Variants in NRP2 observed in about 807,000 individuals in gnomAD.
NRP2 encodes the protein neuropilin-2.
NRP2 carries 52 observed loss-of-function variants against 110.4 expected under a neutral mutation model. The ratio of observed to expected loss-of-function variants is 0.47; its 90% confidence interval spans 0.38 to 0.59. The LOEUF (loss-of-function observed/expected upper bound fraction) is 0.59, where lower values mean the gene tolerates loss of function less well. NRP2 is among the 20% of genes least tolerant of loss of function. The pLI is 0.00. For synonymous variants in NRP2, 508 were observed against 468.9 expected (o/e 1.08, Z -1.08); for missense variants, 1,049 against 1,203.0 (o/e 0.87, Z 1.89).
intron 13 of NRP2, chr2:205,764,196 G>A: frequency 1.9e-6 from 1 of 519,982 alleles, no homozygotes; most frequent in Non-Finnish European, 3.4e-6. Flanking sequence ...TTTTATTTTA[G>A]ATTGCTATCA....
intron 2 of NRP2, among the ~76,000 whole-genome samples, chr2:205,698,294 T>C (rs1319280801): frequency 1.3e-5 from 2 of 152,060 alleles, no homozygotes; most frequent in Non-Finnish European, 2.9e-5. Flanking sequence ...AAGTAGAGTC[T>C]CAAAGTCAGT....
At chr2:205,740,008 T>C (rs2057412045) in intron 7 of NRP2, 1 of 250,550 alleles carries the variant, frequency 4.0e-6, no homozygotes, top group Admixed American at 5.2e-5. Context: ...GTGCCCCTCA[T>C]CATCTTGTCC....
rs920548926 is a variant in NRP2 at position 205,795,120 on chromosome 2, A to C, written c.*62A>C. 16 of 1,476,362 alleles carry C rather than the reference A, an allele frequency of 1.1e-5. No individual in the cohort carries two copies. Among genetic ancestry groups the C allele is most frequent in the African/African-American group, 8.4e-5 (6 of 71,620 alleles). The allele number at this position is 1,476,362 out of a possible 1,614,324, so 91.5% of individuals were successfully genotyped here. Reference sequence around the variant, plus strand: ...AGCAAGAGGGGCTGGGGAAGATTACATTTTTTTTTCCTTTGGAAACTGAAT... The same window carrying C: ...AGCAAGAGGGGCTGGGGAAGATTACCTTTTTTTTTCCTTTGGAAACTGAAT... On this transcript the variant is annotated 3_prime_UTR_variant, in exon 17 of 17. Coordinates refer to ENST00000357785, the MANE Select transcript of NRP2 (RefSeq NM_003872.3).
chr2:205,779,498 AGCAG>A lies in NRP2; in HGVS notation c.2425+12699_2425+12702del, dbSNP rs1262122656. On this transcript the variant is annotated intron_variant, in intron 15 of 16. Transcript: ENST00000357785. ...AAGACCCTGTCTTTAAAATGAAACT[AGCAG>A]GCAAACACCTAAATAATCGAAAATT... 2.0e-5 allele frequency: 3 copies of A among 152,358 alleles called. No homozygotes were observed. In the East Asian group the frequency reaches 5.8e-4, roughly 29 times the overall value. The allele number at this position is 152,358 out of a possible 1,614,324, so 9.4% of individuals were successfully genotyped here.
At position 205,789,752 on chromosome 2, in the gene NRP2, T is replaced by A. The variant is rs189509707; in HGVS notation, c.2426-2483T>A. The stretch of plus-strand genomic sequence containing the variant: ...CTTTGCTAGAACTACAGGGACCTAA[T>A]GAGAGAACCACATTCCTTCCTGCTG... On this transcript the variant is annotated intron_variant, in intron 15 of 16. Transcript: ENST00000357785. Among the ~76,000 whole-genome samples, 486 of 152,242 alleles carry A rather than the reference T, an allele frequency of 3.2e-3. 3 individuals carry two copies. Among genetic ancestry groups the A allele is most frequent in the African/African-American group, 0.011 (465 of 41,554 alleles).
chr2:205,713,056 A>G (rs1312155724), intron 2 of NRP2, among the ~76,000 whole-genome samples: 1 of 152,192 alleles, frequency 6.6e-6, no homozygotes, highest in African/African-American at 2.4e-5. Flanking sequence ...CATTACAAGA[A>G]GGGATTTGGG....
chr2:205,765,921 T>C (rs1221455072), intron 14 of NRP2, among the ~76,000 whole-genome samples: 1 of 152,092 alleles, frequency 6.6e-6, no homozygotes, highest in African/African-American at 2.4e-5. Context: ...GCTGGAAAGG[T>C]TTGATGGATT....
chr2:205,780,106 A>C (rs777230261), intron 15 of NRP2, among the ~76,000 whole-genome samples: 3 of 152,246 alleles, frequency 2.0e-5, no homozygotes, highest in Non-Finnish European at 4.4e-5. Context: ...CTGCAGAGAC[A>C]GATCACTTCC....
intron 9 of NRP2, among the ~76,000 whole-genome samples, chr2:205,744,762 C>A (rs556222667): frequency 6.6e-6 from 1 of 152,144 alleles, no homozygotes; most frequent in African/African-American, 2.4e-5. Flanking sequence ...GGAGGTTTTG[C>A]GATGCTGAGG....
chr2:205,780,436 G>A (rs2058161125), intron 15 of NRP2, among the ~76,000 whole-genome samples: 1 of 152,076 alleles, frequency 6.6e-6, no homozygotes, highest in South Asian at 2.1e-4. Context: ...TCTTTAGATG[G>A]TGACCCAGTT....
At chr2:205,704,051 G>A (rs1186178000) in intron 2 of NRP2, among the ~76,000 whole-genome samples, 1 of 152,058 alleles carries the variant, frequency 6.6e-6, no homozygotes, top group African/African-American at 2.4e-5. Context: ...TCCATTGTAG[G>A]GTCTCTGCAG....
At chr2:205,685,205 G>C (rs999291154) in intron 1 of NRP2, among the ~76,000 whole-genome samples, 1 of 152,182 alleles carries the variant, frequency 6.6e-6, no homozygotes, top group African/African-American at 2.4e-5. Flanking sequence ...GCAGTGCTGC[G>C]TCACTTCCAG....
chr2:205,769,774 T>C (rs1393970288), intron 15 of NRP2, among the ~76,000 whole-genome samples: 1 of 152,214 alleles, frequency 6.6e-6, no homozygotes, highest in Non-Finnish European at 1.5e-5. Context: ...GGTGCCGTCA[T>C]GTATCTTTTT....
chr2:205,735,440 G>A (rs2057325357), intron 7 of NRP2, among the ~76,000 whole-genome samples: 1 of 148,398 alleles, frequency 6.7e-6, no homozygotes, highest in Non-Finnish European at 1.5e-5. Flanking sequence ...CTGGCTGGAT[G>A]CTTCTTATTA....
At chr2:205,720,274 T>C (rs1247826869) in intron 3 of NRP2, among the ~76,000 whole-genome samples, 4 of 151,138 alleles carry the variant, frequency 2.6e-5, no homozygotes, top group African/African-American at 7.3e-5. Context: ...TTTTTTTTTT[T>C]TTTTTTTTTG....
Position 205,716,377 on chromosome 2 carries a change from C to T in NRP2, c.433+3C>T. 1 of 1,613,666 alleles carries T rather than the reference C, an allele frequency of 6.2e-7. No homozygotes were observed. The highest frequency in any genetic ancestry group is 8.5e-7 in the Non-Finnish European group (1 of 1,180,010). On this transcript the variant is annotated splice_donor_region_variant and intron_variant, in intron 3 of 16. Coordinates refer to ENST00000357785, the MANE Select transcript of NRP2 (RefSeq NM_003872.3). ...GCGCTACGAGATCTTCAAGACAGGT[C>T]AGTGTGGTCACACGTAGGGGCCGGG...
In NRP2 at chr2:205,745,901, A is replaced by T. The variant is rs367693063; in HGVS notation, c.1786+11A>T. 1 of 1,613,750 alleles carries T rather than the reference A, an allele frequency of 6.2e-7. No homozygotes were observed. Among genetic ancestry groups the T allele is most frequent in the East Asian group, 2.2e-5 (1 of 44,874 alleles). On this transcript the variant is annotated intron_variant, in intron 10 of 16. Transcript: ENST00000357785. ...GCTGTGACTGGACAGGTAAGATGACATTTCCTCCTCTTTGCATCTCACCCA... is the reference window on the plus strand; with the variant it reads ...GCTGTGACTGGACAGGTAAGATGACTTTTCCTCCTCTTTGCATCTCACCCA...
At chr2:205,696,720 A>G (rs552318556) in intron 1 of NRP2, among the ~76,000 whole-genome samples, 66 of 152,322 alleles carry the variant, frequency 4.3e-4, no homozygotes, top group African/African-American at 1.5e-3. Context: ...GGCTGGACAA[A>G]GCAGCAGCAC....
chr2:205,796,216 T>C lies in NRP2; in HGVS notation c.*1158T>C, dbSNP rs912112050. On this transcript the variant is annotated 3_prime_UTR_variant, in exon 17 of 17. Coordinates refer to ENST00000357785, the MANE Select transcript of NRP2 (RefSeq NM_003872.3). ...TAGACAGAGACCCTTTGAAATGCAT[T>C]TGTCTCTCAAATAGACTAGTAAACA... 1 of 152,182 alleles carries C rather than the reference T, an allele frequency of 6.6e-6. No individual in the cohort carries two copies. The highest frequency in any genetic ancestry group is 6.5e-5 in the Admixed American group (1 of 15,282). 9.4% of individuals were successfully genotyped at this position (152,182 alleles called of 1,614,324 possible). A position where few individuals can be genotyped will look rare whatever the true frequency, so the allele number is the denominator to read the frequency against.
Sources: allele counts gnomAD v4.1 joint callset (sites outside exome capture counted in the v4.1 genomes callset), GRCh38; gene constraint gnomAD v4.1.1; transcripts MANE v1.5; gene names NCBI Gene and HGNC (gene_info 2026-07-23, HGNC 2026-07-21).